The following NUMBL variants were observed in gnomAD, a reference collection of about 807,000 sequenced individuals.
The protein encoded by NUMBL is NUMB like endocytic adaptor protein.
A neutral mutation model predicts 48.9 loss-of-function variants in NUMBL; 20 were observed. The ratio of observed to expected loss-of-function variants is 0.41; its 90% CI spans 0.29 to 0.59. The LOEUF (loss-of-function observed/expected upper bound fraction) is 0.59, where lower values mean the gene tolerates loss of function less well. Ranked by LOEUF, NUMBL falls within the 20% of genes least tolerant of loss-of-function variation. The probability of loss-of-function intolerance (pLI) is 0.31; values close to 1 mark genes in which losing one functional copy is unlikely to be tolerated. For synonymous variants in NUMBL, 340 were observed against 348.7 expected, an observed-to-expected ratio of 0.98 and a Z score of 0.28; for missense variants, 660 against 846.2, an observed-to-expected ratio of 0.78 and a Z score of 2.73.
Position 40,673,722 on chromosome 19 carries a change from T to C in NUMBL, c.731-73A>G. 1 of 1,374,428 alleles carries C rather than the reference T, an allele frequency of 7.3e-7. No homozygotes were observed. 85.1% of individuals were successfully genotyped at this position (1,374,428 alleles called of 1,614,324 possible). A position where few individuals can be genotyped will look rare whatever the true frequency, so the allele number is the denominator to read the frequency against. ...CAAGGCCTCTCCCACCTGGTTCTCT[T>C]GATCATTCTCCAAGGCTGCCTTCCT... On this transcript the variant is annotated intron_variant, in intron 7 of 9. Coordinates refer to ENST00000252891, the MANE Select transcript of NUMBL (RefSeq NM_004756.5). This position sits in a 1 kb window ranked among gnomAD's most constrained non-coding sequence, Gnocchi z 5.9.
chr19:40,667,379 C>A lies in NUMBL; in HGVS notation c.*89G>T. 2 of 1,529,734 alleles carry A rather than the reference C, an allele frequency of 1.3e-6. No individual in the cohort carries two copies. The highest frequency in any genetic ancestry group is 2.1e-5 in the Admixed American group (1 of 48,610). The allele number at this position is 1,529,734 out of a possible 1,614,324, so 94.8% of individuals were successfully genotyped here. ...GTTGAGAGGGTGTTGAGGGGCGCAGCCCCAGGGAGCAGGGTTAGGGGAGAG... is the reference window on the plus strand; with the variant it reads ...GTTGAGAGGGTGTTGAGGGGCGCAGACCCAGGGAGCAGGGTTAGGGGAGAG... On this transcript the variant is annotated 3_prime_UTR_variant, in exon 10 of 10. Transcript: ENST00000252891. The surrounding 1 kb of genome is among the most constrained non-coding windows in gnomAD (Gnocchi z 6.1).
chr19:40,675,849 T>A (rs1312816865), intron 7 of NUMBL, among the ~76,000 whole-genome samples: 4 of 152,036 alleles, frequency 2.6e-5, no homozygotes, highest in Non-Finnish European at 1.5e-5. Context: ...ATTCTCTATT[T>A]CATTGTTTTT....
chr19:40,684,337 A>T (rs2081922069), intron 3 of NUMBL, 80 bp downstream of exon 3: 2 of 1,453,192 alleles, frequency 1.4e-6, no homozygotes, highest in African/African-American at 1.4e-5. Context: ...CTGGTGTCCC[A>T]GCCAGGCCGC....
intron 3 of NUMBL, 66 bp downstream of exon 3, chr19:40,684,351 C>CCCGCA (rs2081922238): frequency 6.7e-7 from 1 of 1,492,994 alleles, no homozygotes; most frequent in Admixed American, 2.1e-5. Flanking sequence ...AGGCCGCGCA[C>CCCGCA]CCGCACAGCA....
intron 3 of NUMBL, 30 bp downstream of exon 3, chr19:40,684,387 G>C (rs753176747): frequency 6.5e-7 from 1 of 1,535,588 alleles, no homozygotes; most frequent in South Asian, 1.2e-5. Context: ...CGTCCCCCTC[G>C]CCCCGCCGCA....
Position 40,673,664 on chromosome 19 carries a change from G to A in NUMBL, c.731-15C>T. On this transcript the variant is annotated splice_polypyrimidine_tract_variant and intron_variant, in intron 7 of 9. Transcript: ENST00000252891. This position sits in a 1 kb window ranked among gnomAD's most constrained non-coding sequence, Gnocchi z 5.9. Reference sequence around the variant, plus strand: ...TGCTGCCTCTGCTGGAGACATGGGGGAGATGGATGGTTAGATATCTCACCA... The same window carrying A: ...TGCTGCCTCTGCTGGAGACATGGGGAAGATGGATGGTTAGATATCTCACCA... 6.8e-7 allele frequency: 1 copy of A among 1,462,804 alleles called. No individual in the cohort carries two copies. The highest frequency in any genetic ancestry group is 2.5e-5 in the East Asian group (1 of 40,148). 90.6% of individuals were successfully genotyped at this position (1,462,804 alleles called of 1,614,324 possible).
chr19:40,689,324 C>T (rs1024256738), intron 1 of NUMBL, among the ~76,000 whole-genome samples: 1 of 152,098 alleles, frequency 6.6e-6, no homozygotes, highest in Non-Finnish European at 1.5e-5. Flanking sequence ...CTAAAAAGTA[C>T]AGGATTCTGC....
At position 40,677,653 on chromosome 19, in the gene NUMBL, A is replaced by T. The variant is rs1039675350; in HGVS notation, c.541-232T>A. On this transcript the variant is annotated intron_variant, in intron 6 of 9. Transcript: ENST00000252891. ...TGGCTCCACTTACTGGAAATTCCAG[A>T]AGAGGCAAAACTAATCTATGGTTCT... Among the ~76,000 whole-genome samples the T allele has an allele frequency of 2.0e-5, 3 of 152,312 alleles. No homozygotes were observed. In the South Asian group the frequency reaches 6.2e-4, roughly 32 times the overall value.
intron 2 of NUMBL, 23 bp from the exon 3 acceptor site, chr19:40,684,579 TGGGTCAAGGGTGG>T (rs1168615390): frequency 6.3e-7 from 1 of 1,588,504 alleles, no homozygotes; most frequent in Non-Finnish European, 8.6e-7. Flanking sequence ...GACAGTGATG[TGGGTCAAGGGTGG>T]GGGTCAGAAG....
At chr19:40,681,432 T>C (rs2561544) in intron 5 of NUMBL, among the ~76,000 whole-genome samples, 10,020 of 152,182 alleles carry the variant, frequency 0.066, 391 homozygotes, top group East Asian at 0.21. Flanking sequence ...TATTTTGGGC[T>C]GAGGGAACTG....
intron 1 of NUMBL, 43 bp downstream of exon 1, chr19:40,690,417 G>A (rs2081959474): frequency 3.5e-6 from 4 of 1,156,818 alleles, no homozygotes; most frequent in Non-Finnish European, 4.4e-6. Context: ...CATCAGCAGC[G>A]GCGCCGCCCC....
chr19:40,686,933 TGG>T lies in NUMBL; in HGVS notation c.85_86del (p.Pro29ArgfsTer71). ...CACCTGGCTCCGTCCTGCAGGTTTC[TGG>T]GGGCCCCGGGGCCCCACAGGGGGCT... ...PPAPCGAPGP[P>X]ETCRTEPDGA... is the part of the protein sequence containing the mutation. On this transcript the variant is annotated frameshift_variant, in exon 2 of 10. Transcript: ENST00000252891. LOFTEE classifies it high-confidence loss of function. 6.5e-7 allele frequency: 1 copy of T among 1,544,606 alleles called. No individual in the cohort carries two copies. The highest frequency in any genetic ancestry group is 1.4e-5 in the African/African-American group (1 of 72,920).
At chr19:40,685,323 T>C (rs2081928874) in intron 2 of NUMBL, 1 of 151,106 alleles carries the variant, frequency 6.6e-6, no homozygotes. Flanking sequence ...TGTGTGTGTG[T>C]AAGCAAGTGT....
chr19:40,682,596 G>A lies in NUMBL; in HGVS notation c.399+132C>T. The A allele has an allele frequency of 5.3e-6, 4 of 750,146 alleles. No individual in the cohort carries two copies. The South Asian group carries it at 5.3e-5, about 10-fold the overall frequency. The allele number at this position is 750,146 out of a possible 1,614,324, so 46.5% of individuals were successfully genotyped here. On this transcript the variant is annotated intron_variant, in intron 5 of 9. Transcript: ENST00000252891. The surrounding 1 kb of genome is among the most constrained non-coding windows in gnomAD (Gnocchi z 4.0). ...TTTATTCCTGAGTTATGACGACAGA[G>A]GGAGCACACGGCATCGTCTAGAAGG...
At position 40,686,919 on chromosome 19, in the gene NUMBL, G is replaced by T; in HGVS notation, c.101C>A (p.Thr34Lys). ...GAPGPPETCR[T>K]EPDGAGTMNK... ...CCAGGCTGGTCGCTCACCTGGCTCC[G>T]TCCTGCAGGTTTCTGGGGGCCCCGG... The change falls in exon 2 of 10, where the codon ACG becomes AAG. Residue 34 changes from threonine to lysine, a missense_variant. Physicochemically the swap from Thr to Lys is moderately conservative, Grantham distance 78 (BLOSUM62 -1). Transcript: ENST00000252891. 1 of 1,542,034 alleles carries T rather than the reference G, an allele frequency of 6.5e-7. No individual in the cohort carries two copies. The highest frequency in any genetic ancestry group is 8.8e-7 in the Non-Finnish European group (1 of 1,139,078).
rs912497536 is a variant in NUMBL, at chr19:40,690,508, C to T, written c.-25G>A. 1 of 1,266,256 alleles carries T rather than the reference C, an allele frequency of 7.9e-7. No individual in the cohort carries two copies. Among genetic ancestry groups the T allele is most frequent in the Non-Finnish European group, 9.9e-7 (1 of 1,005,144 alleles). The allele number at this position is 1,266,256 out of a possible 1,614,324, so 78.4% of individuals were successfully genotyped here. ...TCCAGGGCCCGGGCGCCCCCGCCTCCCGCGGCCCTGGCTGGGCCTGGCTCC... is the reference window on the plus strand; with the variant it reads ...TCCAGGGCCCGGGCGCCCCCGCCTCTCGCGGCCCTGGCTGGGCCTGGCTCC... On this transcript the variant is annotated 5_prime_UTR_variant, in exon 1 of 10. Coordinates refer to ENST00000252891, the MANE Select transcript of NUMBL (RefSeq NM_004756.5).
At position 40,687,639 on chromosome 19, in the gene NUMBL, G is replaced by A. The variant is rs537387889; in HGVS notation, c.25-644C>T. 1.5e-4 allele frequency among the ~76,000 whole-genome samples: 23 copies of A among 152,212 alleles called. 1 individual carries two copies. The East Asian group carries it at 2.7e-3, about 18-fold the overall frequency. ...GACAACCCACTAGAGCCGCACATGC[G>A]TGGCCACACCCAGTGACAGCTATGT... On this transcript the variant is annotated intron_variant, in intron 1 of 9. Coordinates refer to ENST00000252891, the MANE Select transcript of NUMBL (RefSeq NM_004756.5). The surrounding 1 kb of genome is among the most constrained non-coding windows in gnomAD (Gnocchi z 4.6).
chr19:40,678,455 G>A (rs2081889241), intron 6 of NUMBL, among the ~76,000 whole-genome samples: 1 of 152,090 alleles, frequency 6.6e-6, no homozygotes, highest in South Asian at 2.1e-4. Context: ...GAGCCACCAT[G>A]CCCGGCCGGG....
chr19:40,670,940 AG>A (rs756621026), intron 8 of NUMBL, among the ~76,000 whole-genome samples: 10 of 152,062 alleles, frequency 6.6e-5, no homozygotes, highest in Non-Finnish European at 1.3e-4. Flanking sequence ...TGGTCTGTGA[AG>A]GTGTGTAAAT....
Sources: gnomAD v4.1 joint callset for allele counts (sites outside exome capture counted in the v4.1 genomes callset) on GRCh38, gnomAD v4.1.1 for gene constraint, Gnocchi (gnomAD v3.1) non-coding constraint, MANE v1.5 for transcripts, NCBI Gene and HGNC (gene_info 2026-07-23, HGNC 2026-07-21) for gene names.